SORCS2: variants seen among roughly 807,000 people sequenced by gnomAD.
SORCS2 encodes VPS10 domain-containing receptor SorCS2.
A neutral mutation model predicts 141.6 loss-of-function variants in SORCS2; 100 were observed. The observed-to-expected ratio is 0.71, with a 90% CI of 0.60 to 0.83. SORCS2 has a LOEUF of 0.83. Among genes scored for constraint, SORCS2 ranks in the 40% least tolerant of loss-of-function variants. The pLI is 0.00. For missense variants in SORCS2, 1,646 were observed against 1,560.2 expected, an observed-to-expected ratio of 1.05 and a Z score of -0.93; for synonymous variants, 789 against 676.9, an observed-to-expected ratio of 1.17 and a Z score of -2.57.
intron 1 of SORCS2, among the ~76,000 whole-genome samples, chr4:7,323,404 T>C (rs773339695): frequency 5.9e-4 from 89 of 152,102 alleles, no homozygotes; most frequent in Non-Finnish European, 1.2e-3. Context: ...GCCTCCTTAG[T>C]GGCTGGTGTA....
At position 7,670,768 on chromosome 4, in the gene SORCS2, TGTGCGTGTGTCCCTAGAGCAGC is replaced by T. The variant is rs375072470; in HGVS notation, c.1161+3560_1161+3581del. ...CCACCCCGGCCCCATGGCAGGCAAA[TGTGCGTGTGTCCCTAGAGCAGC>T]GTGCACAGAGCTTGAAGGAGCGGGA... On this transcript the variant is annotated intron_variant, in intron 8 of 26. Coordinates refer to ENST00000507866, the MANE Select transcript of SORCS2 (RefSeq NM_020777.3). 6.3e-3 allele frequency among the ~76,000 whole-genome samples: 950 copies of T among 150,790 alleles called. 13 individuals are homozygous for T. Among genetic ancestry groups the T allele is most frequent in the African/African-American group, 0.022 (912 of 41,252 alleles).
intron 1 of SORCS2, among the ~76,000 whole-genome samples, chr4:7,373,598 T>G (rs1355620132): frequency 6.7e-6 from 1 of 148,992 alleles, no homozygotes; most frequent in African/African-American, 2.5e-5. Context: ...GTTCAAGTGA[T>G]TCTCCTGCCT....
chr4:7,350,598 G>A (rs1720882992), intron 1 of SORCS2, among the ~76,000 whole-genome samples: 1 of 152,220 alleles, frequency 6.6e-6, no homozygotes, highest in African/African-American at 2.4e-5. Context: ...GCATGACCCT[G>A]AAGGCCAGGA....
intron 1 of SORCS2, among the ~76,000 whole-genome samples, chr4:7,199,081 C>T (rs1408034767): frequency 2.7e-5 from 4 of 150,930 alleles, no homozygotes; most frequent in African/African-American, 9.9e-5. Context: ...CGGAAGTCCC[C>T]ATCCTTCTGA....
At chr4:7,387,649 A>G (rs1242277095) in intron 1 of SORCS2, among the ~76,000 whole-genome samples, 1 of 135,030 alleles carries the variant, frequency 7.4e-6, no homozygotes, top group Admixed American at 7.3e-5. Flanking sequence ...ACACATGCCC[A>G]CCATACACAT....
At chr4:7,568,642 A>G (rs1388565775) in intron 3 of SORCS2, among the ~76,000 whole-genome samples, 2 of 152,140 alleles carry the variant, frequency 1.3e-5, no homozygotes, top group African/African-American at 4.8e-5. Flanking sequence ...GAACAACCTG[A>G]CTGGTAATTG....
At chr4:7,416,897 C>T (rs1482988899) in intron 2 of SORCS2, among the ~76,000 whole-genome samples, 2 of 152,200 alleles carry the variant, frequency 1.3e-5, no homozygotes, top group African/African-American at 4.8e-5. Flanking sequence ...TGCATGCACA[C>T]ACACGTGTGC....
chr4:7,718,090 C>G lies in SORCS2; in HGVS notation c.2331C>G (p.Leu777=). 11 of 1,611,860 alleles carry G rather than the reference C, an allele frequency of 6.8e-6. No individual in the cohort carries two copies. Among genetic ancestry groups the G allele is most frequent in the African/African-American group, 4.0e-5 (3 of 75,006 alleles). ...QQSQVQLQCP[L]TPPRGLQVSI... ...GTCAGGTGCAGCTGCAGTGCCCCCTCACGCCGCCCCGGGGCCTGCAGGTCA... is the reference window on the plus strand; with the variant it reads ...GTCAGGTGCAGCTGCAGTGCCCCCTGACGCCGCCCCGGGGCCTGCAGGTCA... The change falls in exon 18 of 27, where the codon CTC becomes CTG. Residue 777 remains leucine (L), a synonymous_variant. Transcript: ENST00000507866.
intron 1 of SORCS2, among the ~76,000 whole-genome samples, chr4:7,353,589 G>A (rs1384782771): frequency 6.6e-6 from 1 of 152,326 alleles, no homozygotes; most frequent in African/African-American, 2.4e-5. Context: ...GTGTGAGTGT[G>A]TACCTCCAAT....
At chr4:7,220,184 T>C (rs544281453) in intron 1 of SORCS2, among the ~76,000 whole-genome samples, 3 of 151,848 alleles carry the variant, frequency 2.0e-5, no homozygotes, top group African/African-American at 7.3e-5. Context: ...GAGGCGGCCC[T>C]GCACTGAGGG....
intron 12 of SORCS2, among the ~76,000 whole-genome samples, chr4:7,698,688 A>G (rs376726698): frequency 7.2e-5 from 11 of 152,240 alleles, no homozygotes; most frequent in African/African-American, 2.7e-4. Context: ...ATGGGAGAGC[A>G]TCTGGGAAAG....
At chr4:7,653,242 AAGAC>A (rs1245787431) in intron 4 of SORCS2, among the ~76,000 whole-genome samples, 1 of 152,108 alleles carries the variant, frequency 6.6e-6, no homozygotes. Flanking sequence ...GCTCCAACTA[AAGAC>A]ACAATTTTTT....
chr4:7,724,905 TAGTATTGGTGGGAATG>T (rs1727071677), intron 19 of SORCS2, among the ~76,000 whole-genome samples: 1 of 64,560 alleles, frequency 1.5e-5, no homozygotes, highest in African/African-American at 7.5e-5. Context: ...ATGGTGGTGA[TAGTATTGGTGGGAATG>T]GATGGTGGTA....
intron 2 of SORCS2, among the ~76,000 whole-genome samples, chr4:7,438,348 A>G (rs766660536): frequency 2.1e-4 from 32 of 152,336 alleles, no homozygotes; most frequent in Non-Finnish European, 4.3e-4. Flanking sequence ...GTGGGGGGCC[A>G]TTGTTGATTT....
chr4:7,318,813 T>C (rs6847128), intron 1 of SORCS2, among the ~76,000 whole-genome samples: 89,315 of 152,032 alleles, frequency 0.59, 26,314 homozygotes, highest in South Asian at 0.72. Context: ...TATATAATCA[T>C]ATCAATACCA....
At chr4:7,405,285 C>T (rs752192694) in intron 2 of SORCS2, among the ~76,000 whole-genome samples, 15 of 151,948 alleles carry the variant, frequency 9.9e-5, no homozygotes, top group Non-Finnish European at 1.6e-4. Context: ...AGTTAGGTAA[C>T]GTGGTGCCTC....
intron 3 of SORCS2, among the ~76,000 whole-genome samples, chr4:7,536,837 G>A (rs1188868027): frequency 2.6e-5 from 1 of 38,832 alleles, no homozygotes; most frequent in African/African-American, 4.0e-5. Flanking sequence ...AGATGTGGGG[G>A]GGGGGGGCGG....
rs1715635109 is a variant in SORCS2 at position 7,574,741 on chromosome 4, T to C, written c.648+43112T>C. On this transcript the variant is annotated intron_variant, in intron 3 of 26. Transcript: ENST00000507866. ...GCAGGGCCTTTTAGGTCAACCCCCA[T>C]GAGCAGGAGGAAGGGCGGCTCCTCT... Among the ~76,000 whole-genome samples, 5 of 152,112 alleles carry C rather than the reference T, an allele frequency of 3.3e-5. No individual in the cohort carries two copies. In the South Asian group the frequency reaches 1.0e-3, roughly 32 times the overall value.
chr4:7,218,056 G>T (rs761348314), intron 1 of SORCS2, among the ~76,000 whole-genome samples: 1 of 152,150 alleles, frequency 6.6e-6, no homozygotes, highest in East Asian at 1.9e-4. Context: ...ATGCATGTGC[G>T]TGAATGGCCA....
Sources: allele counts gnomAD v4.1 joint callset (sites outside exome capture counted in the v4.1 genomes callset), GRCh38; gene constraint gnomAD v4.1.1; transcripts MANE v1.5; gene names NCBI Gene and HGNC (gene_info 2026-07-23, HGNC 2026-07-21).